Variants in SLC44A5 observed in about 807,000 individuals in gnomAD.
The protein encoded by SLC44A5 is solute carrier family 44 member 5.
SLC44A5 carries 57 observed loss-of-function variants against 101.8 expected under a neutral mutation model. The ratio of observed to expected loss-of-function variants is 0.56; its 90% CI spans 0.45 to 0.70. The LOEUF (loss-of-function observed/expected upper bound fraction) is 0.70. Among genes scored for constraint, SLC44A5 ranks in the 30% least tolerant of loss-of-function variants. SLC44A5 has a pLI of 0.00. For synonymous variants in SLC44A5, 281 were observed against 290.9 expected, an observed-to-expected ratio of 0.97 and a Z score of 0.35; for missense variants, 737 against 853.1, an observed-to-expected ratio of 0.86 and a Z score of 1.70.
chr1:75,440,397 C>T (rs942530984), intron 2 of SLC44A5, among the ~76,000 whole-genome samples: 1 of 152,142 alleles, frequency 6.6e-6, no homozygotes, highest in Admixed American at 6.6e-5. Context: ...GTGGTAGCTC[C>T]AGGACATGGC....
intron 1 of SLC44A5, among the ~76,000 whole-genome samples, chr1:75,565,174 A>G (rs1672726949): frequency 6.6e-6 from 1 of 152,202 alleles, no homozygotes; most frequent in South Asian, 2.1e-4. Flanking sequence ...ATGCCAGCCT[A>G]CTTTTCCCGA....
At chr1:75,479,423 G>A (rs1370343301) in intron 2 of SLC44A5, among the ~76,000 whole-genome samples, 1 of 152,134 alleles carries the variant, frequency 6.6e-6, no homozygotes, top group Non-Finnish European at 1.5e-5. Flanking sequence ...GAAGGAAATA[G>A]AGACACAAAA....
At chr1:75,680,252 C>A in the SLC44A5 span, among the ~76,000 whole-genome samples, 1 of 151,518 alleles carries the variant, frequency 6.6e-6, no homozygotes, top group Non-Finnish European at 1.5e-5. Flanking sequence ...CAGCTCTGCA[C>A]CAAGCGGACC....
intron 2 of SLC44A5, among the ~76,000 whole-genome samples, chr1:75,497,850 G>A (rs778873939): frequency 2.0e-5 from 3 of 152,022 alleles, no homozygotes; most frequent in Non-Finnish European, 4.4e-5. Context: ...AAACTCAGAG[G>A]TCAGGTGTGG....
chr1:75,466,464 G>C (rs1420883782), intron 2 of SLC44A5, among the ~76,000 whole-genome samples: 4 of 151,988 alleles, frequency 2.6e-5, no homozygotes, highest in Admixed American at 6.6e-5. Flanking sequence ...AGACCAGCCT[G>C]GCCAACATAG....
At chr1:75,714,070 T>C in the SLC44A5 span, among the ~76,000 whole-genome samples, 1 of 152,042 alleles carries the variant, frequency 6.6e-6, no homozygotes, top group Non-Finnish European at 1.5e-5. Flanking sequence ...AGTGCTGAGA[T>C]TATAACTATA....
rs1345855853 is a variant in SLC44A5 at position 75,377,278 on chromosome 1, C to G, written c.52+19305G>C. Among the ~76,000 whole-genome samples the G allele has an allele frequency of 4.2e-5, 5 of 120,366 alleles. No homozygotes were observed. The East Asian group carries it at 1.2e-3, about 29-fold the overall frequency. 79.0% of individuals were successfully genotyped at this position (120,366 alleles called of 152,430 possible). A position where few individuals can be genotyped will look rare whatever the true frequency, so the allele number is the denominator to read the frequency against. Reference sequence around the variant, plus strand: ...AACTCAGAGTTAAATGGATTAAGGGCGGTGCAAGATGTGCTTTGTTAAACA... The same window carrying G: ...AACTCAGAGTTAAATGGATTAAGGGGGGTGCAAGATGTGCTTTGTTAAACA... On this transcript the variant is annotated intron_variant, in intron 3 of 23. Transcript: ENST00000370859.
chr1:75,452,108 A>C (rs1665940316), intron 2 of SLC44A5, among the ~76,000 whole-genome samples: 1 of 152,184 alleles, frequency 6.6e-6, no homozygotes, highest in Non-Finnish European at 1.5e-5. Flanking sequence ...CCAGACTGTC[A>C]AAGGTCAATG....
chr1:75,221,960 C>A, intron 14 of SLC44A5, among the ~76,000 whole-genome samples: 1 of 97,186 alleles, frequency 1.0e-5, no homozygotes, highest in African/African-American at 7.0e-5. Flanking sequence ...TCTTCTTCTT[C>A]TTTTTTTTTT....
chr1:75,647,480 C>T, the SLC44A5 span, among the ~76,000 whole-genome samples: 331 of 152,244 alleles, frequency 2.2e-3, 1 homozygote, highest in African/African-American at 7.7e-3. Context: ...GAGAAGAAGG[C>T]CACCACCCTC....
In SLC44A5 at chr1:75,501,786, A is replaced by T. The variant is rs185771022; in HGVS notation, c.13+39649T>A. 9.5e-3 allele frequency among the ~76,000 whole-genome samples: 1,443 copies of T among 152,320 alleles called. 27 individuals carry two copies. Among genetic ancestry groups the T allele is most frequent in the African/African-American group, 0.033 (1,358 of 41,568 alleles). ...AATTATGCTTATCTGATGAATTGTT[A>T]TCTGAATCAAAAGCTTCAGGCATAG... is the stretch of plus-strand genomic sequence containing the variant. On this transcript the variant is annotated intron_variant, in intron 2 of 23. Transcript: ENST00000370859.
intron 3 of SLC44A5, among the ~76,000 whole-genome samples, chr1:75,383,676 C>T (rs2101267156): frequency 6.6e-6 from 1 of 152,194 alleles, no homozygotes; most frequent in East Asian, 1.9e-4. Context: ...GCAAGGCAGG[C>T]CAACATTCAG....
intron 6 of SLC44A5, among the ~76,000 whole-genome samples, chr1:75,259,673 C>A (rs532292507): frequency 6.6e-6 from 1 of 152,058 alleles, no homozygotes; most frequent in East Asian, 1.9e-4. Flanking sequence ...TCAGGAAATA[C>A]AGAAAACACC....
intron 2 of SLC44A5, among the ~76,000 whole-genome samples, chr1:75,510,429 T>G (rs1669503730): frequency 6.6e-6 from 1 of 152,054 alleles, no homozygotes; most frequent in African/African-American, 2.4e-5. Flanking sequence ...AAATCAAGAT[T>G]GAAGACAGAG....
intron 2 of SLC44A5, among the ~76,000 whole-genome samples, chr1:75,414,989 G>A (rs1004367129): frequency 6.6e-6 from 1 of 152,222 alleles, no homozygotes; most frequent in South Asian, 2.1e-4. Context: ...TGGCTGCAGT[G>A]TGGAGAATGA....
chr1:75,646,411 A>C, the SLC44A5 span, among the ~76,000 whole-genome samples: 1 of 152,068 alleles, frequency 6.6e-6, no homozygotes, highest in African/African-American at 2.4e-5. Flanking sequence ...ATGGGAGTTC[A>C]CTCATGATTT....
At chr1:75,441,482 A>T (rs1320862154) in intron 2 of SLC44A5, among the ~76,000 whole-genome samples, 3 of 152,018 alleles carry the variant, frequency 2.0e-5, no homozygotes, top group East Asian at 1.9e-4. Flanking sequence ...AGCAAGATTT[A>T]AAAAAAGTCA....
intron 2 of SLC44A5, among the ~76,000 whole-genome samples, chr1:75,526,597 G>C (rs1670420540): frequency 6.6e-6 from 1 of 152,152 alleles, no homozygotes; most frequent in Non-Finnish European, 1.5e-5. Context: ...GGGTTTGTCT[G>C]TTACAACAGC....
At chr1:75,383,408 C>G (rs1430528850) in intron 3 of SLC44A5, among the ~76,000 whole-genome samples, 2 of 151,642 alleles carry the variant, frequency 1.3e-5, no homozygotes, top group Admixed American at 1.3e-4. Flanking sequence ...AATCTCTCGT[C>G]CCACCTTACG....
Sources: allele counts gnomAD v4.1 joint callset (sites outside exome capture counted in the v4.1 genomes callset), GRCh38; gene constraint gnomAD v4.1.1; transcripts MANE v1.5; gene names NCBI Gene and HGNC (gene_info 2026-07-23, HGNC 2026-07-21).